The following UBAC2 variants were observed in gnomAD, a reference collection of about 807,000 sequenced individuals.
UBAC2 encodes the protein ubiquitin-associated domain-containing protein 2.
A neutral mutation model predicts 44.0 loss-of-function variants in UBAC2; 26 were observed. The observed-to-expected ratio is 0.59, with a 90% CI of 0.43 to 0.82. The LOEUF (loss-of-function observed/expected upper bound fraction) is 0.82. Ranked by LOEUF, UBAC2 falls within the 40% of genes least tolerant of loss-of-function variation. The pLI is 0.00. For synonymous variants in UBAC2, 155 were observed against 154.3 expected (o/e 1.00, Z -0.04); for missense variants, 329 against 419.4 (o/e 0.78, Z 1.88).
At chr13:99,225,917 G>T (rs1160541309) in intron 1 of UBAC2, among the ~76,000 whole-genome samples, 4 of 152,212 alleles carry the variant, frequency 2.6e-5, no homozygotes, top group African/African-American at 9.7e-5. Flanking sequence ...AAATAATGGT[G>T]TATCAGTTTG....
At chr13:99,346,628 A>G (rs2044986808) in intron 7 of UBAC2, among the ~76,000 whole-genome samples, 3 of 149,580 alleles carry the variant, frequency 2.0e-5, no homozygotes, top group South Asian at 4.2e-4. Flanking sequence ...CACCCCTCCC[A>G]CATACACATC....
chr13:99,255,637 A>AT (rs775281609), intron 4 of UBAC2: 2 of 1,614,148 alleles, frequency 1.2e-6, no homozygotes, highest in East Asian at 4.5e-5. Context: ...ATAATAAAAC[A>AT]TTCGAAAGGG....
At chr13:99,235,283 G>A (rs1295593611) in intron 1 of UBAC2, among the ~76,000 whole-genome samples, 1 of 152,058 alleles carries the variant, frequency 6.6e-6, no homozygotes, top group Non-Finnish European at 1.5e-5. Flanking sequence ...ACTTGAAGAG[G>A]ACATAAAAAA....
At chr13:99,293,488 G>T (rs2044122471) in intron 4 of UBAC2, among the ~76,000 whole-genome samples, 1 of 152,146 alleles carries the variant, frequency 6.6e-6, no homozygotes, top group African/African-American at 2.4e-5. Flanking sequence ...ATCCAACTCA[G>T]ATGACTACCT....
At chr13:99,238,799 A>T (rs2043268918) in intron 2 of UBAC2, among the ~76,000 whole-genome samples, 1 of 152,192 alleles carries the variant, frequency 6.6e-6, no homozygotes, top group Admixed American at 6.5e-5. Flanking sequence ...TTTTACTCAG[A>T]GAAGTGTAAT....
chr13:99,224,428 T>G (rs1315889429), intron 1 of UBAC2, among the ~76,000 whole-genome samples: 1 of 152,236 alleles, frequency 6.6e-6, no homozygotes, highest in Non-Finnish European at 1.5e-5. Context: ...TCTGTTTGCT[T>G]GTATTATCGA....
chr13:99,352,914 C>T (rs1009915403), intron 7 of UBAC2, among the ~76,000 whole-genome samples: 6 of 152,178 alleles, frequency 3.9e-5, no homozygotes, highest in East Asian at 1.9e-4. Flanking sequence ...GGGCAGTGCA[C>T]GTGTGTTGCA....
chr13:99,362,795 A>G (rs1357290792), intron 7 of UBAC2, among the ~76,000 whole-genome samples: 2 of 152,206 alleles, frequency 1.3e-5, no homozygotes, highest in East Asian at 1.9e-4. Flanking sequence ...AATTTTGAGC[A>G]TATAGCAGTT....
chr13:99,342,903 T>C (rs1468579168), intron 7 of UBAC2, among the ~76,000 whole-genome samples: 1 of 152,214 alleles, frequency 6.6e-6, no homozygotes, highest in East Asian at 1.9e-4. Flanking sequence ...TCGCTGTCTT[T>C]CAAGATTGAG....
At chr13:99,277,176 G>T (rs2043894681) in intron 4 of UBAC2, among the ~76,000 whole-genome samples, 2 of 152,136 alleles carry the variant, frequency 1.3e-5, no homozygotes, top group Non-Finnish European at 2.9e-5. Context: ...ACTCTTATGA[G>T]ATTTTAGGAA....
chr13:99,333,967 G>A (rs907617999), intron 6 of UBAC2, among the ~76,000 whole-genome samples: 2 of 151,972 alleles, frequency 1.3e-5, no homozygotes, highest in East Asian at 1.9e-4. Context: ...AAAAAAATTA[G>A]CAACAAGATC....
At chr13:99,203,404 G>T (rs1328590697) in intron 1 of UBAC2, among the ~76,000 whole-genome samples, 3 of 152,220 alleles carry the variant, frequency 2.0e-5, no homozygotes, top group Non-Finnish European at 4.4e-5. Flanking sequence ...TCTGAAAGAA[G>T]GACGACACGT....
chr13:99,281,681 G>A (rs962737194), intron 4 of UBAC2, among the ~76,000 whole-genome samples: 4 of 152,212 alleles, frequency 2.6e-5, no homozygotes, highest in African/African-American at 9.6e-5. Flanking sequence ...GGCTTTTCTT[G>A]TCTCACTTAT....
intron 1 of UBAC2, among the ~76,000 whole-genome samples, chr13:99,208,639 G>T (rs1446370069): frequency 6.6e-6 from 1 of 152,080 alleles, no homozygotes; most frequent in Non-Finnish European, 1.5e-5. Flanking sequence ...ATCTCTGTCC[G>T]AAAAAGCGGT....
intron 1 of UBAC2, among the ~76,000 whole-genome samples, chr13:99,218,158 T>A (rs2043017754): frequency 6.6e-6 from 1 of 152,216 alleles, no homozygotes; most frequent in Non-Finnish European, 1.5e-5. Context: ...ATAATTACAT[T>A]TCTTGTCTAA....
intron 1 of UBAC2, among the ~76,000 whole-genome samples, chr13:99,231,830 CTG>C (rs1180863285): frequency 6.6e-6 from 1 of 152,176 alleles, no homozygotes; most frequent in East Asian, 1.9e-4. Flanking sequence ...ACTTTACTGT[CTG>C]TGCATGAATG....
intron 6 of UBAC2, among the ~76,000 whole-genome samples, chr13:99,323,908 A>ATT (rs1349558612): frequency 1.3e-5 from 2 of 152,234 alleles, no homozygotes. Flanking sequence ...TTGTCTTAAT[A>ATT]AAGCTGGCAG....
intron 7 of UBAC2, among the ~76,000 whole-genome samples, chr13:99,343,367 GGT>G (rs1430342182): frequency 8.3e-4 from 84 of 100,730 alleles, no homozygotes; most frequent in Non-Finnish European, 1.9e-3. Flanking sequence ...AACTCCGCAC[GGT>G]GTCTTTCCCC....
At chr13:99,290,341 T>A (rs1415997791) in intron 4 of UBAC2, among the ~76,000 whole-genome samples, 1 of 152,194 alleles carries the variant, frequency 6.6e-6, no homozygotes, top group African/African-American at 2.4e-5. Context: ...AGGCTAAAGT[T>A]TCTGACTCTC....
Sources: allele counts gnomAD v4.1 joint callset (sites outside exome capture counted in the v4.1 genomes callset), GRCh38; gene constraint gnomAD v4.1.1; transcripts MANE v1.5; gene names NCBI Gene and HGNC (gene_info 2026-07-23, HGNC 2026-07-21).